The following NHLRC3 variants were observed in gnomAD, a reference collection of about 807,000 sequenced individuals.
NHLRC3 encodes NHL repeat-containing protein 3.
A neutral mutation model predicts 32.0 loss-of-function variants in NHLRC3; 23 were observed. The observed-to-expected ratio is 0.72, with a 90% CI of 0.52 to 1.02. The LOEUF is 1.02. Among genes scored for constraint, NHLRC3 ranks in the 50% least tolerant of loss-of-function variants. The probability of loss-of-function intolerance (pLI) is 0.00; values close to 1 mark genes in which losing one functional copy is unlikely to be tolerated. For synonymous variants in NHLRC3, 159 were observed against 147.9 expected (o/e 1.08, Z -0.55); for missense variants, 407 against 406.8 (o/e 1.00, Z -0.01).
chr13:39,044,687 C>T (rs1214688784), intron 5 of NHLRC3, among the ~76,000 whole-genome samples: 1 of 152,196 alleles, frequency 6.6e-6, no homozygotes, highest in South Asian at 2.1e-4. Context: ...GTTTAGGGAA[C>T]AGAAAGCTTT....
chr13:39,039,601 A>G lies in NHLRC3; in HGVS notation c.275A>G (p.Glu92Gly). The G allele has an allele frequency of 6.2e-7, 1 of 1,612,100 alleles. No individual in the cohort carries two copies. The highest frequency in any genetic ancestry group is 8.5e-7 in the Non-Finnish European group (1 of 1,178,166). ...DNIPKILVFT[E>G]DGYFLRAWNY... is the part of the protein sequence containing the mutation. ...ATCCCAAAGATATTAGTGTTCACAG[A>G]GGATGGATATTTCCTACGAGCCTGG... The change falls in exon 3 of 7, where the codon GAG (glutamate) becomes GGG (glycine). Residue 92 changes from glutamate to glycine, a missense_variant. Transcript: ENST00000379600.
rs924528171 is a variant in NHLRC3, at chr13:39,049,423, T to C, written c.*1497T>C. The stretch of plus-strand genomic sequence containing the variant: ...CAAGTCACCTTAGTTTTCAGTGAAA[T>C]GGGAATATCATTGTCTCCTCTTTCA... On this transcript the variant is annotated 3_prime_UTR_variant, in exon 7 of 7. Transcript: ENST00000379600. 2.0e-5 allele frequency: 3 copies of C among 152,206 alleles called. No individual in the cohort carries two copies. Among genetic ancestry groups the C allele is most frequent in the African/African-American group, 7.2e-5 (3 of 41,454 alleles). The allele number at this position is 152,206 out of a possible 1,614,324, so 9.4% of individuals were successfully genotyped here. A position where few individuals can be genotyped will look rare whatever the true frequency, so the allele number is the denominator to read the frequency against.
chr13:39,047,894 T>A lies in NHLRC3; in HGVS notation c.1012T>A (p.Leu338Met), dbSNP rs199670530. 87 of 1,612,906 alleles carry A rather than the reference T, an allele frequency of 5.4e-5. 1 individual carries two copies. In the East Asian group the frequency reaches 1.8e-3, roughly 33 times the overall value. Residue 338 changes from leucine (L) to methionine (M), a missense_variant, in exon 7 of 7, where the codon TTG becomes ATG. Coordinates refer to ENST00000379600, the MANE Select transcript of NHLRC3 (RefSeq NM_001012754.4). ...AAAACAAGTACAAAAATATGTCCCT[T>A]TGAATAGCTATGTTCCTTCATTTGG... ...GAKQVQKYVP[L>M]NSYVPSFGS
chr13:39,042,322 T>C lies in NHLRC3; in HGVS notation c.586+17T>C. On this transcript the variant is annotated intron_variant, in intron 4 of 6. Coordinates refer to ENST00000379600, the MANE Select transcript of NHLRC3 (RefSeq NM_001012754.4). ...TGTCCCAAGGTACATTACTTGTTTA[T>C]GGTATTATAAAAATATTATAAATTG... 1 of 1,384,914 alleles carries C rather than the reference T, an allele frequency of 7.2e-7. No individual in the cohort carries two copies. The highest frequency in any genetic ancestry group is 1.0e-6 in the Non-Finnish European group (1 of 984,066). 85.8% of individuals were successfully genotyped at this position (1,384,914 alleles called of 1,614,324 possible).
At chr13:39,038,848 C>T in intron 1 of NHLRC3, 125 bp downstream of exon 1, 4 of 846,646 alleles carry the variant, frequency 4.7e-6, no homozygotes, top group Non-Finnish European at 8.1e-6. Flanking sequence ...AAAGCCTGCA[C>T]CTGGGTCCAA....
chr13:39,047,272 G>A (rs1217455469), intron 6 of NHLRC3, 120 bp downstream of exon 6: 3 of 623,478 alleles, frequency 4.8e-6, no homozygotes, highest in Non-Finnish European at 8.3e-6. Flanking sequence ...GGGGAAAATA[G>A]AAATATACAG....
At chr13:39,047,339 A>G (rs1593554896) in intron 6 of NHLRC3, among the ~76,000 whole-genome samples, 187 bp downstream of exon 6, 2 of 152,258 alleles carry the variant, frequency 1.3e-5, no homozygotes, top group Admixed American at 6.5e-5. Context: ...AAGAAATAAC[A>G]TATGCTAGAC....
At position 39,042,089 on chromosome 13, in the gene NHLRC3, A is replaced by C. The variant is rs770030154; in HGVS notation, c.386-16A>C. On this transcript the variant is annotated splice_polypyrimidine_tract_variant and intron_variant, in intron 3 of 6. Coordinates refer to ENST00000379600, the MANE Select transcript of NHLRC3 (RefSeq NM_001012754.4). Reference sequence around the variant, plus strand: ...TAGTGGTTTTATTTGTGAGATGTACATATCTATCTTTATAGGATTCTTTGG... The same window carrying C: ...TAGTGGTTTTATTTGTGAGATGTACCTATCTATCTTTATAGGATTCTTTGG... 3.5e-6 allele frequency: 5 copies of C among 1,436,108 alleles called. No individual in the cohort carries two copies. Among genetic ancestry groups the C allele is most frequent in the African/African-American group, 2.8e-5 (2 of 71,414 alleles). The allele number at this position is 1,436,108 out of a possible 1,614,324, so 89.0% of individuals were successfully genotyped here.
rs1244162646 is a variant in NHLRC3, at chr13:39,047,036, T to G, written c.679-4T>G. 6.3e-7 allele frequency: 1 copy of G among 1,575,010 alleles called. No individual in the cohort carries two copies. On this transcript the variant is annotated splice_region_variant and splice_polypyrimidine_tract_variant and intron_variant, in intron 5 of 6. Transcript: ENST00000379600. ...TTCAATTGACATTTTTGTGTGTTTC[T>G]CAGGTGTGGGTTGCTGACCGAGGAA...
chr13:39,038,329 A>T (rs1016393369), upstream of NHLRC3: 5 of 410,412 alleles, frequency 1.2e-5, no homozygotes, highest in African/African-American at 2.0e-5. Context: ...GTGGCCACTG[A>T]AAGTCAGCGG....
intron 3 of NHLRC3, 160 bp from the exon 4 acceptor site, chr13:39,041,945 C>T (rs1020790645): frequency 1.1e-5 from 6 of 534,820 alleles, no homozygotes; most frequent in Admixed American, 3.6e-5. Context: ...CTGTAATTTA[C>T]GAAGAAGCTA....
chr13:39,046,789 C>G (rs530809180), intron 5 of NHLRC3, among the ~76,000 whole-genome samples: 1 of 152,152 alleles, frequency 6.6e-6, no homozygotes, highest in African/African-American at 2.4e-5. Flanking sequence ...ACATTTAGAA[C>G]AGTAGACAGA....
chr13:39,044,219 C>T (rs1871573779), intron 5 of NHLRC3, 38 bp downstream of exon 5: 1 of 1,255,798 alleles, frequency 8.0e-7, no homozygotes, highest in Admixed American at 1.7e-5. Context: ...GACTTTGTGT[C>T]TGAATATGTT....
chr13:39,039,724 A>G lies in NHLRC3; in HGVS notation c.385+13A>G. On this transcript the variant is annotated intron_variant, in intron 3 of 6. Transcript: ENST00000379600. The stretch of plus-strand genomic sequence containing the variant: ...GATGTAGGAAGTGGTATGTATAGTA[A>G]TATCTATTAAATTATCTTACTGGAA... The G allele has an allele frequency of 1.9e-6, 3 of 1,585,566 alleles. No individual in the cohort carries two copies. The highest frequency in any genetic ancestry group is 1.3e-5 in the African/African-American group (1 of 74,414).
In NHLRC3 at chr13:39,049,602, A is replaced by C. The variant is rs1266618296; in HGVS notation, c.*1676A>C. On this transcript the variant is annotated 3_prime_UTR_variant, in exon 7 of 7. Transcript: ENST00000379600. ...TCAGATTTGCCTTAATTTTGTGTTT[A>C]TAGCATTTATCAAAACGTATCCTCA... The C allele has an allele frequency of 6.6e-6, 1 of 152,244 alleles. No homozygotes were observed. Among genetic ancestry groups the C allele is most frequent in the African/African-American group, 2.4e-5 (1 of 41,464 alleles). 9.4% of individuals were successfully genotyped at this position (152,244 alleles called of 1,614,324 possible). A position where few individuals can be genotyped will look rare whatever the true frequency, so the allele number is the denominator to read the frequency against.
intron 5 of NHLRC3, among the ~76,000 whole-genome samples, chr13:39,046,050 C>G (rs1871660234): frequency 6.6e-6 from 1 of 152,172 alleles, no homozygotes; most frequent in Non-Finnish European, 1.5e-5. Flanking sequence ...CCATTTCCTG[C>G]CGGGTGCGGT....
In NHLRC3 at chr13:39,047,041, T is replaced by G; in HGVS notation, c.680T>G (p.Val227Gly). The part of the protein sequence containing the change: ...HSVTLDSAGR[V>G]WVADRGNKRI... ...TTGACATTTTTGTGTGTTTCTCAGG[T>G]GTGGGTTGCTGACCGAGGAAATAAA... The change falls in exon 6 of 7, where the codon GTG (valine) becomes GGG (glycine). Residue 227 changes from valine to glycine, a missense_variant and splice_region_variant. Transcript: ENST00000379600. 6.3e-7 allele frequency: 1 copy of G among 1,591,614 alleles called. No individual in the cohort carries two copies. Among genetic ancestry groups the G allele is most frequent in the Non-Finnish European group, 8.6e-7 (1 of 1,160,710 alleles).
chr13:39,039,925 C>T (rs1161991165), intron 3 of NHLRC3: 5 of 316,008 alleles, frequency 1.6e-5, no homozygotes, highest in African/African-American at 1.1e-4. Flanking sequence ...CCTGTAATCC[C>T]AGCACTTTGG....
In NHLRC3 at chr13:39,047,879, C is replaced by T. The variant is rs1224411029; in HGVS notation, c.997C>T (p.Gln333Ter). The T allele has an allele frequency of 2.5e-6, 4 of 1,613,468 alleles. No individual in the cohort carries two copies. In the Admixed American group the frequency reaches 6.7e-5, roughly 27 times the overall value. Residue 333 changes from glutamine to a stop codon, truncating the protein, a stop_gained, in exon 7 of 7, where the codon CAA (glutamine) becomes TAA (stop). Coordinates refer to ENST00000379600, the MANE Select transcript of NHLRC3 (RefSeq NM_001012754.4). LOFTEE classifies it low-confidence loss of function (END_TRUNC). ...YVAEIGAKQV[Q>*]KYVPLNSYVP... ...AGCAGAAATTGGAGCAAAACAAGTACAAAAATATGTCCCTTTGAATAGCTA... is the reference window on the plus strand; with the variant it reads ...AGCAGAAATTGGAGCAAAACAAGTATAAAAATATGTCCCTTTGAATAGCTA...
Sources: gnomAD v4.1 joint callset for allele counts (sites outside exome capture counted in the v4.1 genomes callset) on GRCh38, gnomAD v4.1.1 for gene constraint, MANE v1.5 for transcripts, NCBI Gene and HGNC (gene_info 2026-07-23, HGNC 2026-07-21) for gene names.